CNTLN: variants seen among roughly 807,000 people sequenced by gnomAD.
CNTLN encodes the protein centlein.
In CNTLN, 212 loss-of-function variants were observed where a neutral mutation model predicts 180.0. That is an observed-to-expected ratio of 1.18 (90% confidence interval 1.05 to 1.32). CNTLN has a LOEUF of 1.32. CNTLN is among the 40% of genes most tolerant of loss of function. CNTLN has a pLI of 0.00. For missense variants in CNTLN, 2,095 were observed against 1,610.9 expected (o/e 1.30, Z -5.14); for synonymous variants, 722 against 563.1 (o/e 1.28, Z -3.99).
intron 2 of CNTLN, among the ~76,000 whole-genome samples, chr9:17,222,365 C>G (rs935334989): frequency 1.3e-5 from 2 of 152,012 alleles, no homozygotes; most frequent in Non-Finnish European, 2.9e-5. Context: ...ACCCAAATCT[C>G]ATCTTTAGTT....
rs1554685981 is a variant in CNTLN, at chr9:17,312,364, TTATA to T, written c.1341+3129_1341+3132del. 2.8e-3 allele frequency among the ~76,000 whole-genome samples: 56 copies of T among 20,182 alleles called. 2 individuals are homozygous for T. The highest frequency in any genetic ancestry group is 6.1e-3 in the African/African-American group (53 of 8,742). 13.2% of individuals were successfully genotyped at this position (20,182 alleles called of 152,430 possible). A position where few individuals can be genotyped will look rare whatever the true frequency, so the allele number is the denominator to read the frequency against. ...GTATTTATATATATATATATATATA[TTATA>T]TATATATATATATATAATTTATTTA... On this transcript the variant is annotated intron_variant, in intron 8 of 25. Transcript: ENST00000380647.
intron 2 of CNTLN, among the ~76,000 whole-genome samples, chr9:17,151,417 G>A (rs1004669727): frequency 2.6e-5 from 4 of 152,106 alleles, no homozygotes; most frequent in African/African-American, 9.7e-5. Context: ...TGTGGTTTTT[G>A]TCATTGGTTC....
At chr9:17,393,366 A>G (rs1176627922) in intron 14 of CNTLN, among the ~76,000 whole-genome samples, 1 of 152,188 alleles carries the variant, frequency 6.6e-6, no homozygotes, top group Non-Finnish European at 1.5e-5. Context: ...TTTTGTTTTA[A>G]AAGTAAAAAT....
intron 1 of CNTLN, 75 bp downstream of exon 1, chr9:17,135,500 C>T: frequency 6.7e-7 from 1 of 1,501,112 alleles, no homozygotes; most frequent in South Asian, 1.3e-5. Context: ...CGCCTTTCTC[C>T]CTCTGCCTTG....
chr9:17,375,708 T>C (rs1824703312), intron 13 of CNTLN, among the ~76,000 whole-genome samples: 1 of 152,154 alleles, frequency 6.6e-6, no homozygotes, highest in Non-Finnish European at 1.5e-5. Flanking sequence ...AGTTCGTATC[T>C]TTTTTCCTGG....
intron 6 of CNTLN, among the ~76,000 whole-genome samples, chr9:17,276,975 TG>T (rs1361860046): frequency 2.6e-5 from 4 of 152,062 alleles, no homozygotes; most frequent in Admixed American, 6.6e-5. Flanking sequence ...GTCTGTAATC[TG>T]TATAGAGCAT....
At chr9:17,358,567 ATGAAT>A (rs1259714555) in intron 12 of CNTLN, among the ~76,000 whole-genome samples, 1 of 152,178 alleles carries the variant, frequency 6.6e-6, no homozygotes, top group Non-Finnish European at 1.5e-5. Flanking sequence ...AATCAAAGTG[ATGAAT>A]TAAATATGGC....
chr9:17,361,556 A>G (rs1204810419), intron 12 of CNTLN, among the ~76,000 whole-genome samples: 2 of 152,226 alleles, frequency 1.3e-5, no homozygotes, highest in Non-Finnish European at 2.9e-5. Flanking sequence ...GATTAGCCAC[A>G]TACTCAAAGG....
At chr9:17,336,630 A>G (rs1821057369) in intron 10 of CNTLN, among the ~76,000 whole-genome samples, 2 of 152,220 alleles carry the variant, frequency 1.3e-5, no homozygotes, top group Admixed American at 6.5e-5. Flanking sequence ...ATTTTATAAG[A>G]CTTATGTAAA....
At chr9:17,407,330 G>A (rs1827472246) in intron 15 of CNTLN, among the ~76,000 whole-genome samples, 1 of 152,320 alleles carries the variant, frequency 6.6e-6, no homozygotes, top group Non-Finnish European at 1.5e-5. Flanking sequence ...ATTTCTCAAA[G>A]CCAGTATGAG....
At chr9:17,182,063 C>A (rs916908243) in intron 2 of CNTLN, among the ~76,000 whole-genome samples, 1 of 152,088 alleles carries the variant, frequency 6.6e-6, no homozygotes, top group Non-Finnish European at 1.5e-5. Flanking sequence ...ATTCTTCTGG[C>A]AGCAATTAGG....
chr9:17,510,289 A>T, the CNTLN span, among the ~76,000 whole-genome samples: 1 of 152,162 alleles, frequency 6.6e-6, no homozygotes, highest in Non-Finnish European at 1.5e-5. Flanking sequence ...TGACCATATG[A>T]CCATAGTGAC....
At chr9:17,312,692 C>T (rs897050203) in intron 8 of CNTLN, among the ~76,000 whole-genome samples, 7 of 151,712 alleles carry the variant, frequency 4.6e-5, no homozygotes, top group African/African-American at 1.7e-4. Context: ...CGTGAGCCAC[C>T]ACGCCAGCCT....
intron 7 of CNTLN, among the ~76,000 whole-genome samples, chr9:17,303,510 AC>A (rs372151512): frequency 1.3e-4 from 19 of 151,094 alleles, no homozygotes; most frequent in African/African-American, 4.1e-4. Context: ...ATTACATCAC[AC>A]TTTTTAACTT....
chr9:17,225,492 A>T (rs1824408947), intron 2 of CNTLN, among the ~76,000 whole-genome samples: 1 of 152,052 alleles, frequency 6.6e-6, no homozygotes, highest in Non-Finnish European at 1.5e-5. Context: ...CTTTTAAAAA[A>T]TGTAAATCAG....
At chr9:17,492,865 CA>C (rs1405780807) in intron 25 of CNTLN, among the ~76,000 whole-genome samples, 1 of 152,028 alleles carries the variant, frequency 6.6e-6, no homozygotes, top group African/African-American at 2.4e-5. Flanking sequence ...AATGGATAAA[CA>C]AAATGTGGTT....
intron 8 of CNTLN, among the ~76,000 whole-genome samples, chr9:17,314,886 T>C (rs983273788): frequency 6.6e-6 from 1 of 152,202 alleles, no homozygotes; most frequent in African/African-American, 2.4e-5. Context: ...AATCTTTGAC[T>C]TTTTAAAGAC....
Position 17,235,696 on chromosome 9 carries a change from A to C in CNTLN, c.573A>C (p.Val191=), listed in dbSNP as rs1362488559. The C allele has an allele frequency of 1.9e-6, 3 of 1,608,506 alleles. No individual in the cohort carries two copies. Among genetic ancestry groups the C allele is most frequent in the Non-Finnish European group, 2.5e-6 (3 of 1,177,688 alleles). Residue 191 remains valine (V), a synonymous_variant, in exon 4 of 26, where the codon GTA becomes GTC. Coordinates refer to ENST00000380647, the MANE Select transcript of CNTLN (RefSeq NM_017738.4). ...SVLKQEINDL[V]KRKIAVDEEN... is the part of the protein sequence containing the mutation. ...TGAAACAGGAAATAAATGACCTTGT[A>C]AAACGGAAAATTGCAGTAGATGAAG...
chr9:17,258,275 A>T (rs1439776049), intron 5 of CNTLN, among the ~76,000 whole-genome samples: 1 of 146,390 alleles, frequency 6.8e-6, no homozygotes, highest in Non-Finnish European at 1.5e-5. Flanking sequence ...TTTGTCAAAG[A>T]TCAGATAGTT....
Sources: allele counts gnomAD v4.1 joint callset (sites outside exome capture counted in the v4.1 genomes callset), GRCh38; gene constraint gnomAD v4.1.1; transcripts MANE v1.5; gene names NCBI Gene and HGNC (gene_info 2026-07-23, HGNC 2026-07-21).